The following DNER variants were observed in gnomAD, a reference collection of about 807,000 sequenced individuals.
The protein encoded by DNER is delta and Notch-like epidermal growth factor-related receptor.
A neutral mutation model predicts 78.2 loss-of-function variants in DNER; 33 were observed. That is an observed-to-expected ratio of 0.42 (90% CI 0.32 to 0.56). The LOEUF is 0.56. DNER is among the 20% of genes least tolerant of loss of function. The probability of loss-of-function intolerance (pLI) is 0.11; values close to 1 mark genes in which losing one functional copy is unlikely to be tolerated. For synonymous variants in DNER, 417 were observed against 384.8 expected, an observed-to-expected ratio of 1.08 and a Z score of -0.98; for missense variants, 918 against 975.3, an observed-to-expected ratio of 0.94 and a Z score of 0.78.
At chr2:229,424,932 C>T (rs1050916216) in intron 8 of DNER, among the ~76,000 whole-genome samples, 2 of 152,168 alleles carry the variant, frequency 1.3e-5, no homozygotes, top group Non-Finnish European at 1.5e-5. Flanking sequence ...AAAAATGTCC[C>T]CATTGTCATA....
chr2:229,548,182 A>G (rs1696661028), intron 4 of DNER, among the ~76,000 whole-genome samples: 1 of 152,210 alleles, frequency 6.6e-6, no homozygotes, highest in South Asian at 2.1e-4. Flanking sequence ...AATTGATTCT[A>G]GGGCAACTGA....
intron 8 of DNER, among the ~76,000 whole-genome samples, chr2:229,444,550 C>T (rs1167556120): frequency 6.6e-6 from 1 of 152,198 alleles, no homozygotes; most frequent in African/African-American, 2.4e-5. Context: ...CACTATTTAT[C>T]TCTAACTCCC....
intron 8 of DNER, among the ~76,000 whole-genome samples, chr2:229,431,112 G>C (rs752421044): frequency 8.3e-4 from 127 of 152,218 alleles, no homozygotes; most frequent in African/African-American, 2.2e-3. Context: ...TAGATGTACT[G>C]AGTGTAAATC....
intron 8 of DNER, among the ~76,000 whole-genome samples, chr2:229,431,827 G>C (rs570651872): frequency 6.6e-6 from 1 of 151,756 alleles, no homozygotes; most frequent in African/African-American, 2.4e-5. Context: ...TTTTACAAAA[G>C]GAAATAGATG....
At chr2:229,513,737 G>A (rs2154212336) in intron 5 of DNER, among the ~76,000 whole-genome samples, 1 of 152,218 alleles carries the variant, frequency 6.6e-6, no homozygotes. Flanking sequence ...GAGAGGAGGA[G>A]AGGCAAAGGA....
chr2:229,615,033 C>G (rs530044721), intron 1 of DNER, among the ~76,000 whole-genome samples: 1 of 152,136 alleles, frequency 6.6e-6, no homozygotes, highest in Non-Finnish European at 1.5e-5. Flanking sequence ...TTTACAATAA[C>G]GACATAGTCA....
intron 1 of DNER, among the ~76,000 whole-genome samples, chr2:229,708,213 C>T (rs939026153): frequency 5.9e-5 from 9 of 152,136 alleles, no homozygotes; most frequent in Admixed American, 5.9e-4. Flanking sequence ...ACATGCTATA[C>T]ACTGAACAGG....
chr2:229,520,626 T>C lies in DNER; in HGVS notation c.994-7690A>G, dbSNP rs537674979. Among the ~76,000 whole-genome samples the C allele has an allele frequency of 8.5e-5, 13 of 152,318 alleles. No homozygotes were observed. The South Asian group carries it at 2.7e-3, about 32-fold the overall frequency. On this transcript the variant is annotated intron_variant, in intron 5 of 12. Coordinates refer to ENST00000341772, the MANE Select transcript of DNER (RefSeq NM_139072.4). ...CCATAATAAAACAAACATTTTTTTT[T>C]AATTTTAAGAATCTGGCTAAGTACC...
intron 7 of DNER, among the ~76,000 whole-genome samples, 198 bp from the exon 8 acceptor site, chr2:229,447,738 T>A (rs959045760): frequency 2.6e-5 from 4 of 152,152 alleles, no homozygotes; most frequent in Non-Finnish European, 5.9e-5. Flanking sequence ...GCCCCACAAT[T>A]CCATTTTTAT....
intron 5 of DNER, among the ~76,000 whole-genome samples, chr2:229,524,682 C>T (rs1012712856): frequency 6.6e-6 from 1 of 152,204 alleles, no homozygotes; most frequent in African/African-American, 2.4e-5. Flanking sequence ...AGCCCTTCAC[C>T]AATCTTGGAG....
chr2:229,458,324 T>A (rs527973581), intron 7 of DNER, among the ~76,000 whole-genome samples: 1 of 151,924 alleles, frequency 6.6e-6, no homozygotes, highest in East Asian at 1.9e-4. Flanking sequence ...CAGGAAGCTT[T>A]AACAATCCCA....
At chr2:229,502,380 A>G (rs943095567) in intron 6 of DNER, among the ~76,000 whole-genome samples, 4 of 152,118 alleles carry the variant, frequency 2.6e-5, no homozygotes, top group Admixed American at 2.6e-4. Flanking sequence ...CTGAACCTAG[A>G]TACGTTCCTC....
At chr2:229,657,254 T>C (rs193102721) in intron 1 of DNER, among the ~76,000 whole-genome samples, 2 of 152,368 alleles carry the variant, frequency 1.3e-5, no homozygotes, top group East Asian at 3.9e-4. Context: ...TTTCTGTTTC[T>C]GGCTTATTTC....
chr2:229,635,360 G>GGAAA (rs1698510380), intron 1 of DNER, among the ~76,000 whole-genome samples: 1 of 24,196 alleles, frequency 4.1e-5, no homozygotes, highest in Non-Finnish European at 8.6e-5. Flanking sequence ...AGGTCCCACA[G>GGAAA]GAAAAAAAAA....
intron 11 of DNER, among the ~76,000 whole-genome samples, chr2:229,377,411 A>C (rs139552810): frequency 6.6e-6 from 1 of 152,340 alleles, no homozygotes; most frequent in African/African-American, 2.4e-5. Context: ...AGATTCATAG[A>C]AATTTTGATT....
chr2:229,677,615 G>A (rs940702485), intron 1 of DNER, among the ~76,000 whole-genome samples: 3 of 152,152 alleles, frequency 2.0e-5, no homozygotes, highest in Middle Eastern at 3.4e-3. Context: ...AGGGTGGAAG[G>A]GTGATTACAA....
rs769382080 is a variant in DNER, at chr2:229,700,758, C to CAA, written c.276+13388_276+13389dup. Among the ~76,000 whole-genome samples the CAA allele has an allele frequency of 5.9e-4, 81 of 137,868 alleles. No individual in the cohort carries two copies. The East Asian group carries it at 0.011, about 18-fold the overall frequency. The allele number at this position is 137,868 out of a possible 152,430, so 90.4% of individuals were successfully genotyped here. On this transcript the variant is annotated intron_variant, in intron 1 of 12. Coordinates refer to ENST00000341772, the MANE Select transcript of DNER (RefSeq NM_139072.4). ...TGAAACCCCATCTCTACTAAAAATA[C>CAA]AAAAAAAAAAAAATTAGCCGGGTAT...
intron 11 of DNER, among the ~76,000 whole-genome samples, chr2:229,369,226 G>A (rs1246049532): frequency 1.3e-5 from 2 of 150,350 alleles, no homozygotes; most frequent in East Asian, 3.9e-4. Flanking sequence ...TTAAAAAAAG[G>A]TTTTAACTTC....
intron 5 of DNER, among the ~76,000 whole-genome samples, chr2:229,545,887 T>C (rs1343795298): frequency 6.6e-6 from 1 of 152,196 alleles, no homozygotes; most frequent in Non-Finnish European, 1.5e-5. Context: ...TCTATTATCA[T>C]AGCCAGGGAA....
Sources: gnomAD v4.1 joint callset for allele counts (sites outside exome capture counted in the v4.1 genomes callset) on GRCh38, gnomAD v4.1.1 for gene constraint, MANE v1.5 for transcripts, NCBI Gene and HGNC (gene_info 2026-07-23, HGNC 2026-07-21) for gene names.